The following DOCK5 variants were observed in gnomAD, a reference collection of about 807,000 sequenced individuals.
DOCK5 encodes dedicator of cytokinesis 5, also known as dedicator of cytokinesis protein 5.
In DOCK5, 142 loss-of-function variants were observed where a neutral mutation model predicts 251.8. That is an observed-to-expected ratio of 0.56 (90% CI 0.49 to 0.65). The LOEUF is 0.65. Among genes scored for constraint, DOCK5 ranks in the 30% least tolerant of loss-of-function variants. The probability of loss-of-function intolerance (pLI) is 0.00; values close to 1 mark genes in which losing one functional copy is unlikely to be tolerated. For missense variants in DOCK5, 2,111 were observed against 2,312.3 expected (o/e 0.91, Z 1.79); for synonymous variants, 842 against 835.5 (o/e 1.01, Z -0.13).
chr8:25,405,541 C>T (rs1801508467), intron 48 of DOCK5, among the ~76,000 whole-genome samples: 1 of 151,868 alleles, frequency 6.6e-6, no homozygotes, highest in Non-Finnish European at 1.5e-5. Flanking sequence ...TGTATCAGTA[C>T]TATGCAATCT....
At chr8:25,330,727 T>C (rs1349683653) in intron 18 of DOCK5, among the ~76,000 whole-genome samples, 1 of 152,134 alleles carries the variant, frequency 6.6e-6, no homozygotes, top group East Asian at 1.9e-4. Context: ...GAAAAATACA[T>C]GTGTAACTAC....
chr8:25,340,678 G>C (rs1234191539), intron 22 of DOCK5, among the ~76,000 whole-genome samples, 199 bp from the exon 23 acceptor site: 2 of 152,194 alleles, frequency 1.3e-5, no homozygotes, highest in African/African-American at 4.8e-5. Flanking sequence ...TTTGTAGGCT[G>C]GGTTGGGGAT....
chr8:25,228,451 G>T (rs1802585508), intron 1 of DOCK5, among the ~76,000 whole-genome samples: 2 of 152,200 alleles, frequency 1.3e-5, no homozygotes, highest in Non-Finnish European at 2.9e-5. Flanking sequence ...GTACAGCAGT[G>T]GCAGAGGGGC....
At chr8:25,188,482 A>G (rs1801487091) in intron 1 of DOCK5, among the ~76,000 whole-genome samples, 1 of 152,120 alleles carries the variant, frequency 6.6e-6, no homozygotes, top group African/African-American at 2.4e-5. Context: ...GTGTGAGGAT[A>G]GAGCTTTGGA....
chr8:25,236,398 G>T (rs904721915), intron 1 of DOCK5, among the ~76,000 whole-genome samples: 7 of 152,034 alleles, frequency 4.6e-5, no homozygotes, highest in Admixed American at 3.9e-4. Context: ...TGATTTTCTT[G>T]TCCTTATAGT....
At chr8:25,314,866 C>T (rs1351559591) in intron 13 of DOCK5, among the ~76,000 whole-genome samples, 4 of 150,264 alleles carry the variant, frequency 2.7e-5, no homozygotes, top group African/African-American at 9.8e-5. Context: ...TAAGACCTGT[C>T]AGCATTACCT....
chr8:25,401,996 C>A (rs1801447144), intron 47 of DOCK5, among the ~76,000 whole-genome samples: 1 of 152,200 alleles, frequency 6.6e-6, no homozygotes, highest in African/African-American at 2.4e-5. Context: ...CTGAGCAGTT[C>A]AGTGGATAGT....
At chr8:25,390,321 C>T (rs769762447) in intron 42 of DOCK5, 34 bp downstream of exon 42, 1 of 1,332,564 alleles carries the variant, frequency 7.5e-7, no homozygotes, top group Non-Finnish European at 1.0e-6. Context: ...AAAAAAAAAT[C>T]TGTGTCTAGG....
chr8:25,397,093 G>A (rs1801359511), intron 45 of DOCK5, among the ~76,000 whole-genome samples: 1 of 151,984 alleles, frequency 6.6e-6, no homozygotes, highest in East Asian at 1.9e-4. Flanking sequence ...GTGATGGCGG[G>A]TGCCTGTAAT....
chr8:25,342,018 C>A lies in DOCK5; in HGVS notation c.2510+209C>A, dbSNP rs1805967357. On this transcript the variant is annotated intron_variant, in intron 24 of 51. Coordinates refer to ENST00000276440, the MANE Select transcript of DOCK5 (RefSeq NM_024940.8). ...ACTTTCTCTGGGAAAACAAGACATG[C>A]AGACATAAAATCGATTACAAAAGAT... Among the ~76,000 whole-genome samples the A allele has an allele frequency of 1.3e-5, 2 of 152,158 alleles. 1 individual carries two copies. The highest frequency in any genetic ancestry group is 4.1e-4 in the South Asian group (2 of 4,824).
At chr8:25,351,956 T>C in intron 27 of DOCK5, 130 bp downstream of exon 27, 1 of 663,830 alleles carries the variant, frequency 1.5e-6, no homozygotes, top group Non-Finnish European at 2.6e-6. Context: ...GGTCATTGGT[T>C]ATAACCTTAG....
rs1169404599 is a variant in DOCK5, at chr8:25,198,679, TATTA to T, written c.43+13729_43+13732del. ...GATATTAAGAGCCGGAGTTTGTAAG[TATTA>T]CCTCTTGGCTAACACCCTCATTTTA... On this transcript the variant is annotated intron_variant, in intron 1 of 51. Transcript: ENST00000276440. 4.6e-5 allele frequency among the ~76,000 whole-genome samples: 7 copies of T among 152,166 alleles called. No homozygotes were observed. The East Asian group carries it at 1.3e-3, about 29-fold the overall frequency.
chr8:25,297,770 T>C (rs2117160719), intron 7 of DOCK5, among the ~76,000 whole-genome samples: 1 of 152,274 alleles, frequency 6.6e-6, no homozygotes, highest in East Asian at 1.9e-4. Flanking sequence ...TTAGAATCCA[T>C]GCATGGTGCC....
At chr8:25,336,492 T>G in intron 22 of DOCK5, 119 bp downstream of exon 22, 1 of 1,310,792 alleles carries the variant, frequency 7.6e-7, no homozygotes, top group African/African-American at 1.5e-5. Context: ...ATTGCCTTAT[T>G]TCAGAACTGC....
intron 13 of DOCK5, among the ~76,000 whole-genome samples, chr8:25,313,342 C>T (rs1275229998): frequency 6.6e-6 from 1 of 152,130 alleles, no homozygotes; most frequent in African/African-American, 2.4e-5. Flanking sequence ...ATCATGGTAT[C>T]GCTACATCTG....
chr8:25,286,589 T>C (rs1804340175), intron 5 of DOCK5, among the ~76,000 whole-genome samples: 1 of 152,186 alleles, frequency 6.6e-6, no homozygotes, highest in Admixed American at 6.5e-5. Context: ...TGAATATTGA[T>C]TCTTTTATAC....
intron 1 of DOCK5, among the ~76,000 whole-genome samples, chr8:25,225,107 T>C (rs1802496639): frequency 6.6e-6 from 1 of 152,206 alleles, no homozygotes; most frequent in Non-Finnish European, 1.5e-5. Flanking sequence ...TAAATGGTCA[T>C]CCAGGATGTG....
At chr8:25,235,455 C>G (rs1280823770) in intron 1 of DOCK5, among the ~76,000 whole-genome samples, 3 of 152,148 alleles carry the variant, frequency 2.0e-5, no homozygotes, top group Admixed American at 2.0e-4. Flanking sequence ...GACAGGGTCT[C>G]CCTATGTTGC....
At position 25,223,138 on chromosome 8, in the gene DOCK5, T is replaced by C. The variant is rs540548178; in HGVS notation, c.44-20536T>C. The stretch of plus-strand genomic sequence containing the variant: ...CTGGAATGTTTTATGATTGGGACTA[T>C]TGATATGTGAAGGTTTTTAAAAAAA... On this transcript the variant is annotated intron_variant, in intron 1 of 51. Coordinates refer to ENST00000276440, the MANE Select transcript of DOCK5 (RefSeq NM_024940.8). Among the ~76,000 whole-genome samples the C allele has an allele frequency of 2.0e-5, 3 of 152,314 alleles. No individual in the cohort carries two copies. The South Asian group carries it at 6.2e-4, about 32-fold the overall frequency.
Sources: allele counts gnomAD v4.1 joint callset (sites outside exome capture counted in the v4.1 genomes callset), GRCh38; gene constraint gnomAD v4.1.1; transcripts MANE v1.5; gene names NCBI Gene and HGNC (gene_info 2026-07-23, HGNC 2026-07-21).